CCSER1: variants seen among roughly 807,000 people sequenced by gnomAD.
CCSER1 encodes coiled-coil serine rich protein 1.
Under a neutral mutation model 82.0 loss-of-function variants are expected in CCSER1, and 41 were observed. The ratio of observed to expected loss-of-function variants is 0.50; its 90% CI spans 0.39 to 0.65. The LOEUF is 0.65. Among genes scored for constraint, CCSER1 ranks in the 30% least tolerant of loss-of-function variants. The pLI is 0.00. For missense variants in CCSER1, 1,119 were observed against 1,064.2 expected (o/e 1.05, Z -0.72); for synonymous variants, 414 against 383.9 (o/e 1.08, Z -0.92).
intron 10 of CCSER1, among the ~76,000 whole-genome samples, chr4:91,594,416 T>TAC (rs1764446097): frequency 6.8e-6 from 1 of 147,958 alleles, no homozygotes; most frequent in Non-Finnish European, 1.5e-5. Context: ...TATACACATA[T>TAC]ATATACATAT....
intron 1 of CCSER1, among the ~76,000 whole-genome samples, chr4:90,213,238 G>T (rs1367097604): frequency 1.3e-5 from 2 of 152,144 alleles, no homozygotes; most frequent in Admixed American, 1.3e-4. Flanking sequence ...TGAAGTGTGT[G>T]AGAAAGGGAC....
chr4:90,929,047 G>A (rs1341569285), intron 9 of CCSER1, among the ~76,000 whole-genome samples: 1 of 152,026 alleles, frequency 6.6e-6, no homozygotes, highest in African/African-American at 2.4e-5. Flanking sequence ...TCCTCTTTCT[G>A]TTTGTTGCTT....
chr4:90,143,854 T>C (rs1467309928), intron 1 of CCSER1, among the ~76,000 whole-genome samples: 3 of 151,834 alleles, frequency 2.0e-5, no homozygotes, highest in Admixed American at 6.6e-5. Context: ...CCAAGTCATG[T>C]TTTGTTGTTG....
chr4:91,540,988 A>G (rs1283468220), intron 10 of CCSER1, among the ~76,000 whole-genome samples: 1 of 152,084 alleles, frequency 6.6e-6, no homozygotes, highest in East Asian at 1.9e-4. Context: ...CAGTCTTCCA[A>G]CTTTGTTCAT....
At chr4:90,407,751 T>C (rs139254141) in intron 4 of CCSER1, among the ~76,000 whole-genome samples, 1,542 of 152,190 alleles carry the variant, frequency 0.01, 17 homozygotes, top group South Asian at 0.03. Context: ...ACTGAGGTAC[T>C]GGGTTCATCT....
intron 10 of CCSER1, among the ~76,000 whole-genome samples, chr4:91,246,744 T>A (rs557479111): frequency 1.5e-4 from 23 of 152,126 alleles, no homozygotes; most frequent in African/African-American, 4.8e-4. Flanking sequence ...TATATTAAAA[T>A]ATCTCATGTA....
intron 7 of CCSER1, among the ~76,000 whole-genome samples, chr4:90,762,005 T>G (rs1750477544): frequency 6.6e-6 from 1 of 152,092 alleles, no homozygotes; most frequent in Non-Finnish European, 1.5e-5. Context: ...TAAAAACATA[T>G]AAAGAAAGTA....
chr4:90,726,808 A>T (rs139991819), intron 7 of CCSER1, among the ~76,000 whole-genome samples: 249 of 152,220 alleles, frequency 1.6e-3, no homozygotes, highest in African/African-American at 5.8e-3. Context: ...GTCTTAAACA[A>T]TTGAAAAATC....
At chr4:91,334,468 C>T (rs912594217) in intron 10 of CCSER1, among the ~76,000 whole-genome samples, 7 of 151,922 alleles carry the variant, frequency 4.6e-5, no homozygotes, top group African/African-American at 1.7e-4. Flanking sequence ...CAATTTGCAG[C>T]GACAGGTGAA....
At chr4:91,313,429 TTGG>T (rs1311044615) in intron 10 of CCSER1, among the ~76,000 whole-genome samples, 1 of 151,906 alleles carries the variant, frequency 6.6e-6, no homozygotes, top group Non-Finnish European at 1.5e-5. Flanking sequence ...TAAATTTGAT[TTGG>T]TTCCTACTTA....
chr4:90,914,360 A>G (rs147664113), intron 8 of CCSER1, among the ~76,000 whole-genome samples: 1,916 of 152,322 alleles, frequency 0.013, 27 homozygotes, highest in African/African-American at 0.042. Flanking sequence ...CCGCTCAACT[A>G]CATGGAAACT....
At chr4:90,921,855 G>A (rs1241312028) in intron 8 of CCSER1, among the ~76,000 whole-genome samples, 2 of 151,942 alleles carry the variant, frequency 1.3e-5, no homozygotes, top group Admixed American at 6.6e-5. Flanking sequence ...TCAAACTTTT[G>A]TAAATAACCT....
At chr4:90,566,109 C>T (rs1177886637) in intron 5 of CCSER1, among the ~76,000 whole-genome samples, 1 of 151,622 alleles carries the variant, frequency 6.6e-6, no homozygotes, top group Non-Finnish European at 1.5e-5. Flanking sequence ...CCACCTGCCT[C>T]GACCTCCCAA....
At chr4:90,614,638 A>G (rs1720862344) in intron 5 of CCSER1, among the ~76,000 whole-genome samples, 1 of 152,060 alleles carries the variant, frequency 6.6e-6, no homozygotes, top group Non-Finnish European at 1.5e-5. Context: ...AAAAGCCCTA[A>G]CTCTCTTTGA....
intron 10 of CCSER1, among the ~76,000 whole-genome samples, chr4:91,244,664 A>C (rs1033774338): frequency 7.2e-5 from 11 of 152,326 alleles, no homozygotes; most frequent in South Asian, 4.1e-4. Context: ...AGCCTTCCCA[A>C]GGAGGGCAAG....
At chr4:90,811,503 T>C (rs946893147) in intron 7 of CCSER1, among the ~76,000 whole-genome samples, 1 of 152,164 alleles carries the variant, frequency 6.6e-6, no homozygotes, top group Admixed American at 6.5e-5. Flanking sequence ...AAAATCACTT[T>C]AGAGACAATT....
chr4:90,503,267 G>T (rs1770184455), intron 5 of CCSER1, among the ~76,000 whole-genome samples: 1 of 152,106 alleles, frequency 6.6e-6, no homozygotes, highest in South Asian at 2.1e-4. Flanking sequence ...CAAGGGAAAA[G>T]AAACTGATGT....
At chr4:91,224,579 G>A (rs928603715) in intron 10 of CCSER1, among the ~76,000 whole-genome samples, 6 of 151,916 alleles carry the variant, frequency 3.9e-5, no homozygotes, top group African/African-American at 1.5e-4. Flanking sequence ...ATTTAATAAG[G>A]CAGGTTATTT....
At chr4:90,413,981 A>ATATAT (rs1365751807) in intron 4 of CCSER1, among the ~76,000 whole-genome samples, 1 of 52,454 alleles carries the variant, frequency 1.9e-5, no homozygotes, top group African/African-American at 1.0e-4. Flanking sequence ...AAAAAAAAAA[A>ATATAT]ATATATATAT....
Sources: gnomAD v4.1 joint callset for allele counts (sites outside exome capture counted in the v4.1 genomes callset) on GRCh38, gnomAD v4.1.1 for gene constraint, MANE v1.5 for transcripts, NCBI Gene and HGNC (gene_info 2026-07-23, HGNC 2026-07-21) for gene names.